Variants in ARFIP1 observed in about 807,000 individuals in gnomAD.
The protein encoded by ARFIP1 is ARF interacting protein 1.
Under a neutral mutation model 42.5 loss-of-function variants are expected in ARFIP1, and 24 were observed. That is an observed-to-expected ratio of 0.57 (90% confidence interval 0.41 to 0.80). ARFIP1 has a LOEUF of 0.80. Among genes scored for constraint, ARFIP1 ranks in the 30% least tolerant of loss-of-function variants. ARFIP1 has a pLI of 0.00. For missense variants in ARFIP1, 354 were observed against 434.0 expected (o/e 0.82, Z 1.64); for synonymous variants, 141 against 153.7 (o/e 0.92, Z 0.61).
chr4:152,887,396 G>T (rs990875364), intron 7 of ARFIP1, among the ~76,000 whole-genome samples: 1 of 151,984 alleles, frequency 6.6e-6, no homozygotes, highest in African/African-American at 2.4e-5. Context: ...TTCATCTAGA[G>T]TTGTGTTGTC....
At chr4:152,870,730 A>G in intron 3 of ARFIP1, 23 bp from the exon 4 acceptor site, 3 of 1,558,172 alleles carry the variant, frequency 1.9e-6, no homozygotes, top group Non-Finnish European at 2.7e-6. Context: ...GGATTTTCAC[A>G]GTTAAAATGT....
At chr4:152,836,873 T>C (rs574417449) in intron 2 of ARFIP1, among the ~76,000 whole-genome samples, 1 of 152,290 alleles carries the variant, frequency 6.6e-6, no homozygotes, top group African/African-American at 2.4e-5. Context: ...TTTGTTAGAT[T>C]TTGGTGCACC....
At chr4:152,819,161 T>C (rs1245430344) in intron 1 of ARFIP1, among the ~76,000 whole-genome samples, 1 of 152,074 alleles carries the variant, frequency 6.6e-6, no homozygotes, top group Non-Finnish European at 1.5e-5. Context: ...ACTACCACTG[T>C]AGCTGGTGCA....
intron 5 of ARFIP1, among the ~76,000 whole-genome samples, chr4:152,875,011 C>G (rs796269568): frequency 5.3e-5 from 8 of 152,242 alleles, no homozygotes; most frequent in African/African-American, 1.7e-4. Context: ...CTTTGGTCCT[C>G]TCTCTTTCAT....
chr4:152,827,210 T>C (rs937827765), intron 1 of ARFIP1, among the ~76,000 whole-genome samples: 3 of 152,210 alleles, frequency 2.0e-5, no homozygotes, highest in Admixed American at 2.0e-4. Flanking sequence ...AACAATTCTT[T>C]CATAAGGTCA....
At position 152,846,935 on chromosome 4, in the gene ARFIP1, G is replaced by A. The variant is rs1399401128; in HGVS notation, c.94-16671G>A. 5.0e-5 allele frequency among the ~76,000 whole-genome samples: 7 copies of A among 141,300 alleles called. No individual in the cohort carries two copies. The East Asian group carries it at 1.5e-3, about 29-fold the overall frequency. 92.7% of individuals were successfully genotyped at this position (141,300 alleles called of 152,430 possible). A position where few individuals can be genotyped will look rare whatever the true frequency, so the allele number is the denominator to read the frequency against. ...AATGAAATTACAATTTTTTTTTTTT[G>A]TTCTTGTTTGTGTTTCTCATTGCAG... On this transcript the variant is annotated intron_variant, in intron 2 of 8. Coordinates refer to ENST00000353617, the MANE Select transcript of ARFIP1 (RefSeq NM_001025595.3).
chr4:152,888,553 A>ATTGATC (rs1736461955), intron 8 of ARFIP1, among the ~76,000 whole-genome samples: 1 of 152,172 alleles, frequency 6.6e-6, no homozygotes, highest in Non-Finnish European at 1.5e-5. Flanking sequence ...ATGGACAGCC[A>ATTGATC]TTGATCTTTG....
intron 8 of ARFIP1, among the ~76,000 whole-genome samples, chr4:152,909,602 G>T (rs1297435436): frequency 6.6e-6 from 1 of 152,126 alleles, no homozygotes; most frequent in Non-Finnish European, 1.5e-5. Context: ...CTACTTGCTT[G>T]ATTCTTTACA....
In ARFIP1 at chr4:152,910,818, T is replaced by C. The variant is rs1246658698; in HGVS notation, c.*599T>C. The C allele has an allele frequency of 6.6e-6, 1 of 152,202 alleles. No individual in the cohort carries two copies. Among genetic ancestry groups the C allele is most frequent in the Non-Finnish European group, 1.5e-5 (1 of 68,012 alleles). The allele number at this position is 152,202 out of a possible 1,614,324, so 9.4% of individuals were successfully genotyped here. ...GTACCACTGTAATTTTATTTAGACT[T>C]TTTTTTAAAGACACAGAAATCACAC... is the stretch of plus-strand genomic sequence containing the variant. On this transcript the variant is annotated 3_prime_UTR_variant, in exon 9 of 9. Coordinates refer to ENST00000353617, the MANE Select transcript of ARFIP1 (RefSeq NM_001025595.3).
intron 2 of ARFIP1, among the ~76,000 whole-genome samples, chr4:152,836,791 T>A (rs1021952134): frequency 1.3e-5 from 2 of 152,194 alleles, no homozygotes; most frequent in African/African-American, 4.8e-5. Context: ...TTTTTATTTT[T>A]ATTTTTATTT....
intron 1 of ARFIP1, among the ~76,000 whole-genome samples, chr4:152,822,649 A>ATC (rs1561122928): frequency 6.6e-6 from 1 of 152,248 alleles, no homozygotes; most frequent in East Asian, 1.9e-4. Context: ...TCCAAGGTAT[A>ATC]TCACATGATA....
In ARFIP1 at chr4:152,872,493, G is replaced by A. The variant is rs1734974193; in HGVS notation, c.340G>A (p.Ala114Thr). ...TQTKSGPVILADEIKNPAMEK... is the reference protein window; with the variant it reads ...TQTKSGPVILTDEIKNPAMEK... Reference sequence around the variant, plus strand: ...GACAAAAAGTGGACCAGTTATTCTAGCAGATGAAATTAAAAATCCTGCAAT... The same window carrying A: ...GACAAAAAGTGGACCAGTTATTCTAACAGATGAAATTAAAAATCCTGCAAT... Residue 114 changes from alanine to threonine, a missense_variant, in exon 5 of 9, where the codon GCA becomes ACA. Ala to Thr is a moderately conservative substitution (Grantham distance 58, BLOSUM62 0). Transcript: ENST00000353617. The A allele has an allele frequency of 6.2e-7, 1 of 1,612,012 alleles. No homozygotes were observed.
rs544880955 is a variant in ARFIP1, at chr4:152,908,464, T to C, written c.967-1600T>C. The stretch of plus-strand genomic sequence containing the variant: ...GTCTCTACTAAAATACAAAAAATTA[T>C]CCAGGCGTGGTGGTGCGTGCCTGTA... On this transcript the variant is annotated intron_variant, in intron 8 of 8. Transcript: ENST00000353617. 3.9e-5 allele frequency among the ~76,000 whole-genome samples: 6 copies of C among 152,094 alleles called. No individual in the cohort carries two copies. The East Asian group carries it at 9.7e-4, about 25-fold the overall frequency.
chr4:152,839,020 C>T (rs545494872), intron 2 of ARFIP1, among the ~76,000 whole-genome samples: 14 of 152,250 alleles, frequency 9.2e-5, no homozygotes, highest in South Asian at 2.1e-4. Flanking sequence ...AATGCTTTTT[C>T]GGCATCTATT....
At chr4:152,814,820 T>G (rs550454312) in intron 1 of ARFIP1, among the ~76,000 whole-genome samples, 1 of 152,368 alleles carries the variant, frequency 6.6e-6, no homozygotes, top group African/African-American at 2.4e-5. Flanking sequence ...AGCTCAAAGC[T>G]AAAAGCCTAG....
At chr4:152,856,637 T>A (rs1158294942) in intron 2 of ARFIP1, among the ~76,000 whole-genome samples, 1 of 152,210 alleles carries the variant, frequency 6.6e-6, no homozygotes, top group African/African-American at 2.4e-5. Context: ...ATCCAAGGGA[T>A]CCTGGAACCA....
chr4:152,808,271 C>T (rs374394134), intron 1 of ARFIP1, among the ~76,000 whole-genome samples: 23 of 65,202 alleles, frequency 3.5e-4, no homozygotes, highest in Middle Eastern at 9.8e-3. Flanking sequence ...TGAGCCACCA[C>T]GCCTGGCCTC....
At chr4:152,799,571 C>T (rs377494661) in intron 1 of ARFIP1, among the ~76,000 whole-genome samples, 30 of 152,128 alleles carry the variant, frequency 2.0e-4, no homozygotes, top group African/African-American at 6.8e-4. Context: ...GTATTCCTTG[C>T]GGGGGATTCA....
intron 1 of ARFIP1, among the ~76,000 whole-genome samples, chr4:152,782,825 T>C (rs1423451967): frequency 6.6e-6 from 1 of 152,166 alleles, no homozygotes; most frequent in Admixed American, 6.5e-5. Context: ...ACTGATTTGG[T>C]TGTGAATTAT....
Sources: gnomAD v4.1 joint callset for allele counts (sites outside exome capture counted in the v4.1 genomes callset) on GRCh38, gnomAD v4.1.1 for gene constraint, MANE v1.5 for transcripts, NCBI Gene and HGNC (gene_info 2026-07-23, HGNC 2026-07-21) for gene names.